Variants in NRG3 observed in about 807,000 individuals in gnomAD.
The protein encoded by NRG3 is neuregulin 3.
A neutral mutation model predicts 66.9 loss-of-function variants in NRG3; 31 were observed. The ratio of observed to expected loss-of-function variants is 0.46; its 90% CI spans 0.35 to 0.63. The LOEUF (loss-of-function observed/expected upper bound fraction) is 0.63, where lower values mean the gene tolerates loss of function less well. Among genes scored for constraint, NRG3 ranks in the 20% least tolerant of loss-of-function variants. The pLI is 0.00. For missense variants in NRG3, 910 were observed against 878.9 expected, an observed-to-expected ratio of 1.04 and a Z score of -0.45; for synonymous variants, 393 against 359.4, an observed-to-expected ratio of 1.09 and a Z score of -1.06.
At chr10:82,454,639 A>G (rs749605783) in intron 2 of NRG3, among the ~76,000 whole-genome samples, 54 of 152,288 alleles carry the variant, frequency 3.5e-4, no homozygotes, top group Non-Finnish European at 5.9e-4. Context: ...ATCTCAAAAC[A>G]CTCAGGAAAG....
At chr10:82,512,307 A>T (rs1341307106) in intron 2 of NRG3, among the ~76,000 whole-genome samples, 1 of 151,634 alleles carries the variant, frequency 6.6e-6, no homozygotes, top group African/African-American at 2.4e-5. Flanking sequence ...ATTTTTTGAG[A>T]TGGAGTTTCA....
At chr10:82,757,182 G>C (rs772341454) in intron 3 of NRG3, among the ~76,000 whole-genome samples, 4 of 152,044 alleles carry the variant, frequency 2.6e-5, no homozygotes, top group Non-Finnish European at 5.9e-5. Flanking sequence ...AGCAAAAAAC[G>C]ATAGTCCTCT....
intron 2 of NRG3, among the ~76,000 whole-genome samples, chr10:82,573,563 A>G (rs1382515886): frequency 3.3e-5 from 5 of 151,824 alleles, no homozygotes; most frequent in African/African-American, 1.2e-4. Flanking sequence ...TATTGCATAC[A>G]TCCATTTCCA....
At chr10:82,683,353 C>T (rs1344888259) in intron 2 of NRG3, among the ~76,000 whole-genome samples, 3 of 152,072 alleles carry the variant, frequency 2.0e-5, no homozygotes, top group African/African-American at 7.2e-5. Flanking sequence ...CTCTTCCTCT[C>T]TCCCCTTGAT....
chr10:82,518,924 G>A (rs1309891737), intron 2 of NRG3, among the ~76,000 whole-genome samples: 1 of 152,114 alleles, frequency 6.6e-6, no homozygotes, highest in Middle Eastern at 3.2e-3. Flanking sequence ...TGATAATGAA[G>A]CCAGCTCAGT....
intron 2 of NRG3, among the ~76,000 whole-genome samples, chr10:82,681,618 A>G (rs1460158930): frequency 6.6e-6 from 1 of 152,224 alleles, no homozygotes; most frequent in African/African-American, 2.4e-5. Context: ...TACATTGACA[A>G]ATGTCATTTG....
chr10:82,229,856 G>A (rs537833744), intron 1 of NRG3, among the ~76,000 whole-genome samples: 1 of 151,988 alleles, frequency 6.6e-6, no homozygotes, highest in Non-Finnish European at 1.5e-5. Context: ...TACATCCAAA[G>A]TTACATTGGA....
chr10:82,377,441 T>C (rs984599968), intron 2 of NRG3, among the ~76,000 whole-genome samples: 8 of 120,256 alleles, frequency 6.7e-5, no homozygotes, highest in African/African-American at 3.6e-4. Flanking sequence ...TGCGCGTGTG[T>C]GTGTGTGTGT....
At chr10:82,402,024 A>T (rs1348115952) in intron 2 of NRG3, among the ~76,000 whole-genome samples, 1 of 152,126 alleles carries the variant, frequency 6.6e-6, no homozygotes, top group East Asian at 1.9e-4. Flanking sequence ...TAATTAATCA[A>T]ATTAGGTTTC....
chr10:82,350,000 T>C (rs2083326273), intron 1 of NRG3, among the ~76,000 whole-genome samples: 1 of 152,212 alleles, frequency 6.6e-6, no homozygotes, highest in Non-Finnish European at 1.5e-5. Context: ...GTACCTCAGA[T>C]GGAAATGCGG....
At chr10:81,915,217 A>C (rs1401490108) in intron 1 of NRG3, among the ~76,000 whole-genome samples, 7 of 152,192 alleles carry the variant, frequency 4.6e-5, no homozygotes, top group Non-Finnish European at 1.0e-4. Flanking sequence ...TTAAGCATTA[A>C]TCAGACTTGA....
intron 1 of NRG3, among the ~76,000 whole-genome samples, chr10:82,035,373 A>C (rs1320909494): frequency 6.6e-6 from 1 of 151,944 alleles, no homozygotes; most frequent in Non-Finnish European, 1.5e-5. Flanking sequence ...TTTTGCTGTT[A>C]TTTTCTTCTT....
chr10:82,217,708 T>C (rs2075757217), intron 1 of NRG3, among the ~76,000 whole-genome samples: 1 of 152,166 alleles, frequency 6.6e-6, no homozygotes, highest in Admixed American at 6.6e-5. Flanking sequence ...CAGTATGGCC[T>C]GTGTGCTCCC....
At chr10:82,225,632 C>A (rs2133823015) in intron 1 of NRG3, 1 of 152,216 alleles carries the variant, frequency 6.6e-6, no homozygotes, top group East Asian at 1.9e-4. Context: ...TAATTAAACT[C>A]AGAGTAATTA....
chr10:82,645,023 T>C (rs2050841217), intron 2 of NRG3, among the ~76,000 whole-genome samples: 1 of 152,234 alleles, frequency 6.6e-6, no homozygotes, highest in African/African-American at 2.4e-5. Context: ...TAATTTGCTT[T>C]ACAGTTTTGA....
At chr10:82,506,891 G>A (rs1170838590) in intron 2 of NRG3, among the ~76,000 whole-genome samples, 1 of 152,164 alleles carries the variant, frequency 6.6e-6, no homozygotes, top group African/African-American at 2.4e-5. Flanking sequence ...TTGTAGCTGT[G>A]ATCACGTCTC....
chr10:82,231,992 A>G (rs774688638), intron 1 of NRG3, among the ~76,000 whole-genome samples: 5 of 152,212 alleles, frequency 3.3e-5, no homozygotes, highest in Non-Finnish European at 5.9e-5. Flanking sequence ...TGACTCCTAC[A>G]TGAACTGAAA....
At chr10:82,710,945 T>G (rs1450134354) in intron 2 of NRG3, among the ~76,000 whole-genome samples, 2 of 152,182 alleles carry the variant, frequency 1.3e-5, no homozygotes, top group Non-Finnish European at 2.9e-5. Flanking sequence ...TATTGAGAAG[T>G]CAAATACATT....
In NRG3 at chr10:82,232,921, G is replaced by A. The variant is rs1233951129; in HGVS notation, c.824-125818G>A. The A allele has an allele frequency of 2.3e-5, 16 of 694,660 alleles. No individual in the cohort carries two copies. In the East Asian group the frequency reaches 3.8e-4, roughly 16 times the overall value. 43.0% of individuals were successfully genotyped at this position (694,660 alleles called of 1,614,324 possible). On this transcript the variant is annotated intron_variant, in intron 1 of 8. Transcript: ENST00000372141. ...ACTTTGAATAATTTCTCCAGAATTT[G>A]GGAAACAGGAGTGTTCTCTAGTTGC...
Sources: gnomAD v4.1 joint callset for allele counts (sites outside exome capture counted in the v4.1 genomes callset) on GRCh38, gnomAD v4.1.1 for gene constraint, MANE v1.5 for transcripts, NCBI Gene and HGNC (gene_info 2026-07-23, HGNC 2026-07-21) for gene names.